The following ATM variants were observed in gnomAD, a reference collection of about 807,000 sequenced individuals.
The protein encoded by ATM is ATM serine/threonine kinase.
ATM carries 308 observed loss-of-function variants against 387.0 expected under a neutral mutation model. The ratio of observed to expected loss-of-function variants is 0.80; its 90% CI spans 0.73 to 0.87. The LOEUF (loss-of-function observed/expected upper bound fraction) is 0.87, where lower values mean the gene tolerates loss of function less well. Among genes scored for constraint, ATM ranks in the 40% least tolerant of loss-of-function variants. The probability of loss-of-function intolerance (pLI) is 0.00; values close to 1 mark genes in which losing one functional copy is unlikely to be tolerated. For missense variants in ATM, 3,312 were observed against 3,560.9 expected (o/e 0.93, Z 1.78); for synonymous variants, 1,156 against 1,187.3 (o/e 0.97, Z 0.54).
At chr11:108,252,231 TCA>T (rs1238044633) in intron 11 of ATM, among the ~76,000 whole-genome samples, 200 bp downstream of exon 11, 1 of 152,200 alleles carries the variant, frequency 6.6e-6, no homozygotes, top group Non-Finnish European at 1.5e-5. Context: ...AAGGGTTGTC[TCA>T]CTGTGAGAAT....
chr11:108,249,010 T>A lies in ATM; in HGVS notation c.1143T>A (p.Ser381Arg), dbSNP rs755991658. 2 of 1,613,484 alleles carry A rather than the reference T, an allele frequency of 1.2e-6. No individual in the cohort carries two copies. The highest frequency in any genetic ancestry group is 2.7e-5 in the African/African-American group (2 of 74,920). The part of the protein sequence containing the change: ...TTTQRESSDY[S>R]VPCKRKKIEL... Reference sequence around the variant, plus strand: ...CACAAAGAGAATCTAGTGATTACAGTGTCCCTTGCAAAAGGAAGAAAATAG... The same window carrying A: ...CACAAAGAGAATCTAGTGATTACAGAGTCCCTTGCAAAAGGAAGAAAATAG... Residue 381 changes from serine (S) to arginine (R), a missense_variant, in exon 9 of 63, where the codon AGT becomes AGA. Coordinates refer to ENST00000675843, the MANE Select transcript of ATM (RefSeq NM_000051.4).
chr11:108,299,639 T>C (rs1565473249), intron 33 of ATM, 75 bp from the exon 34 acceptor site: 11 of 1,443,784 alleles, frequency 7.6e-6, no homozygotes, highest in Non-Finnish European at 9.7e-6. Flanking sequence ...CATTATAGTT[T>C]TGAAATTAGA....
chr11:108,266,876 A>G (rs561616515), intron 16 of ATM, among the ~76,000 whole-genome samples: 24 of 151,270 alleles, frequency 1.6e-4, no homozygotes, highest in Non-Finnish European at 2.4e-4. Flanking sequence ...GCTCACTGCA[A>G]TCTCTGCCTC....
In ATM at chr11:108,293,299, T is replaced by C. The variant is rs1555100322; in HGVS notation, c.4612-14T>C. Reference sequence around the variant, plus strand: ...TTCTCTCCTTATAATTTTTTCTTTTTAAATTATATTTAGGTATTGGACTTG... The same window carrying C: ...TTCTCTCCTTATAATTTTTTCTTTTCAAATTATATTTAGGTATTGGACTTG... On this transcript the variant is annotated splice_polypyrimidine_tract_variant and intron_variant, in intron 30 of 62. Coordinates refer to ENST00000675843, the MANE Select transcript of ATM (RefSeq NM_000051.4). 1 of 1,423,838 alleles carries C rather than the reference T, an allele frequency of 7.0e-7. No individual in the cohort carries two copies. The highest frequency in any genetic ancestry group is 9.5e-7 in the Non-Finnish European group (1 of 1,049,146). The allele number at this position is 1,423,838 out of a possible 1,614,324, so 88.2% of individuals were successfully genotyped here.
intron 1 of ATM, chr11:108,227,302 C>T (rs996512123): frequency 1.9e-5 from 5 of 259,746 alleles, no homozygotes; most frequent in Non-Finnish European, 3.0e-5. Context: ...TGAGCCACTG[C>T]GTCCAGTGTA....
At chr11:108,307,135 C>G (rs2083750023) in intron 37 of ATM, among the ~76,000 whole-genome samples, 1 of 151,008 alleles carries the variant, frequency 6.6e-6, no homozygotes, top group Non-Finnish European at 1.5e-5. Flanking sequence ...ATCACTTTTT[C>G]TTTTTTCTTT....
At chr11:108,308,977 T>C (rs1281622881) in intron 38 of ATM, 5 of 1,515,536 alleles carry the variant, frequency 3.3e-6, no homozygotes, top group Non-Finnish European at 4.4e-6. Context: ...AGACTTACCA[T>C]TGGGGTAGAA....
chr11:108,344,984 CAG>C (rs1369543141), intron 57 of ATM, among the ~76,000 whole-genome samples: 2 of 151,664 alleles, frequency 1.3e-5, no homozygotes, highest in Non-Finnish European at 2.9e-5. Flanking sequence ...GTCCAGGTGA[CAG>C]AGACCCTGTC....
rs1297788708 is a variant in ATM at position 108,297,735 on chromosome 11, G to A, written c.5005+353G>A. Among the ~76,000 whole-genome samples, 7 of 152,022 alleles carry A rather than the reference G, an allele frequency of 4.6e-5. No individual in the cohort carries two copies. The East Asian group carries it at 1.3e-3, about 29-fold the overall frequency. On this transcript the variant is annotated intron_variant, in intron 33 of 62. Transcript: ENST00000675843. The stretch of plus-strand genomic sequence containing the variant: ...TATTATATCTTCAAAATAAGTGAGG[G>A]TTTGTCATTTGGGATATTGGGGAAA...
At chr11:108,325,122 G>A (rs1403016814) in intron 45 of ATM, among the ~76,000 whole-genome samples, 188 bp from the exon 46 acceptor site, 1 of 151,996 alleles carries the variant, frequency 6.6e-6, no homozygotes, top group Non-Finnish European at 1.5e-5. Flanking sequence ...AGCTCTGACC[G>A]CATAGCATTT....
intron 51 of ATM, 100 bp downstream of exon 51, chr11:108,331,657 T>C: frequency 2.1e-6 from 3 of 1,413,960 alleles, no homozygotes; most frequent in Non-Finnish European, 9.4e-7. Flanking sequence ...GAAATGGAAA[T>C]ACAAAATTTT....
chr11:108,308,116 A>G (rs757569471), intron 38 of ATM, 132 bp downstream of exon 38: 24 of 876,424 alleles, frequency 2.7e-5, no homozygotes, highest in Middle Eastern at 3.1e-4. Context: ...TGATATTTAT[A>G]TCTCCTTGCA....
chr11:108,238,218 C>T (rs187221383), intron 5 of ATM, among the ~76,000 whole-genome samples: 18 of 152,098 alleles, frequency 1.2e-4, no homozygotes, highest in Non-Finnish European at 2.5e-4. Flanking sequence ...TGAGCCACCG[C>T]GTCTGGCCAC....
At position 108,292,535 on chromosome 11, in the gene ATM, C is replaced by T. The variant is rs1461757215; in HGVS notation, c.4437-84C>T. The T allele has an allele frequency of 2.7e-6, 4 of 1,483,704 alleles. No individual in the cohort carries two copies. In the African/African-American group the frequency reaches 4.2e-5, roughly 15 times the overall value. The allele number at this position is 1,483,704 out of a possible 1,614,324, so 91.9% of individuals were successfully genotyped here. On this transcript the variant is annotated intron_variant, in intron 29 of 62. Coordinates refer to ENST00000675843, the MANE Select transcript of ATM (RefSeq NM_000051.4). ...GCATATAAGAATTAGAGATGCTGAACAAAAGGACTTCTGAATGAATTTATT... is the reference window on the plus strand; with the variant it reads ...GCATATAAGAATTAGAGATGCTGAATAAAAGGACTTCTGAATGAATTTATT...
At chr11:108,268,293 C>A in intron 17 of ATM, 117 bp from the exon 18 acceptor site, 1 of 858,188 alleles carries the variant, frequency 1.2e-6, no homozygotes, top group Non-Finnish European at 1.9e-6. Flanking sequence ...ATTAATTTCA[C>A]TATAATTTTG....
chr11:108,225,925 T>C (rs1236928936), intron 1 of ATM: 1 of 152,210 alleles, frequency 6.6e-6, no homozygotes, highest in Non-Finnish European at 1.5e-5. Flanking sequence ...AGAAACATAC[T>C]TAATCTTGAA....
intron 8 of ATM, 41 bp downstream of exon 8, chr11:108,247,168 T>C (rs761225516): frequency 7.5e-6 from 12 of 1,609,630 alleles, no homozygotes; most frequent in African/African-American, 1.3e-5. Flanking sequence ...AATTTCCTGT[T>C]AATTTTTTTT....
chr11:108,332,041 T>G lies in ATM; in HGVS notation c.7788+4T>G. 1 of 1,613,572 alleles carries G rather than the reference T, an allele frequency of 6.2e-7. No homozygotes were observed. The highest frequency in any genetic ancestry group is 8.5e-7 in the Non-Finnish European group (1 of 1,179,674). ...ACAAAGCTCTCAGCTTGATGAGGTA[T>G]TTGGATTAAACATACGTACCTTTTA... On this transcript the variant is annotated splice_donor_region_variant and intron_variant, in intron 52 of 62. Transcript: ENST00000675843.
intron 31 of ATM, 69 bp from the exon 32 acceptor site, chr11:108,294,858 C>G (rs2083027900): frequency 6.4e-7 from 1 of 1,574,050 alleles, no homozygotes; most frequent in Non-Finnish European, 8.7e-7. Context: ...TAATTTTTTT[C>G]TTTTATTAAG....
Sources: gnomAD v4.1 joint callset for allele counts (sites outside exome capture counted in the v4.1 genomes callset) on GRCh38, gnomAD v4.1.1 for gene constraint, MANE v1.5 for transcripts, NCBI Gene and HGNC (gene_info 2026-07-23, HGNC 2026-07-21) for gene names.